CUL4A: variants seen among roughly 807,000 people sequenced by gnomAD.
CUL4A encodes cullin-4A.
Under a neutral mutation model 95.5 loss-of-function variants are expected in CUL4A, and 16 were observed. The observed-to-expected ratio is 0.17, with a 90% confidence interval of 0.11 to 0.25. The LOEUF is 0.25. Ranked by LOEUF, CUL4A falls within the 10% of genes least tolerant of loss-of-function variation. The pLI is 1.00. For synonymous variants in CUL4A, 380 were observed against 353.1 expected (o/e 1.08, Z -0.85); for missense variants, 610 against 937.0 (o/e 0.65, Z 4.56).
chr13:113,262,284 T>G (rs528096131), intron 19 of CUL4A, among the ~76,000 whole-genome samples: 1 of 152,338 alleles, frequency 6.6e-6, no homozygotes, highest in East Asian at 1.9e-4. Context: ...TCACCTACTC[T>G]TAGTGCAGGA....
chr13:113,227,285 G>C (rs560951363), intron 3 of CUL4A, among the ~76,000 whole-genome samples: 1 of 152,302 alleles, frequency 6.6e-6, no homozygotes, highest in South Asian at 2.1e-4. Context: ...GGAGGTCCAG[G>C]GTCAAGGCAC....
chr13:113,245,204 G>A lies in CUL4A; in HGVS notation c.1497G>A (p.Glu499=). ...SKLEGMFKDM[E]LSKDIMVHFK... is the part of the protein sequence containing the mutation. ...TGGAAGGCATGTTCAAGGACATGGA[G>A]CTTTCGAAGGACATCATGGTTCATT... is the stretch of plus-strand genomic sequence containing the variant. The change falls in exon 14 of 20, where the codon GAG becomes GAA. Residue 499 remains glutamate (E), a synonymous_variant. Transcript: ENST00000375440. The A allele has an allele frequency of 6.2e-7, 1 of 1,614,194 alleles. No homozygotes were observed.
At chr13:113,258,411 C>T (rs1368661243) in intron 18 of CUL4A, among the ~76,000 whole-genome samples, 1 of 152,174 alleles carries the variant, frequency 6.6e-6, no homozygotes, top group Non-Finnish European at 1.5e-5. Flanking sequence ...ATCCATATTG[C>T]ATTAATTTAC....
At chr13:113,259,923 C>T (rs374417730) in intron 18 of CUL4A, among the ~76,000 whole-genome samples, 1 of 151,766 alleles carries the variant, frequency 6.6e-6, no homozygotes, top group African/African-American at 2.4e-5. Context: ...AGAACATTTC[C>T]GGCCAGGCAC....
At chr13:113,228,581 A>G (rs2041192708) in intron 4 of CUL4A, among the ~76,000 whole-genome samples, 1 of 152,064 alleles carries the variant, frequency 6.6e-6, no homozygotes, top group Non-Finnish European at 1.5e-5. Context: ...GGCAGCTGCT[A>G]GAGCTCGCTG....
At chr13:113,259,043 G>C (rs1449404704) in intron 18 of CUL4A, among the ~76,000 whole-genome samples, 1 of 152,210 alleles carries the variant, frequency 6.6e-6, no homozygotes, top group Non-Finnish European at 1.5e-5. Context: ...TTATCAGAAT[G>C]TATGTATTAA....
chr13:113,260,238 G>A lies in CUL4A; in HGVS notation c.2032-369G>A, dbSNP rs536141622. Among the ~76,000 whole-genome samples, 84 of 76,240 alleles carry A rather than the reference G, an allele frequency of 1.1e-3. 2 individuals carry two copies. The highest frequency in any genetic ancestry group is 3.3e-3 in the South Asian group (7 of 2,118). The allele number at this position is 76,240 out of a possible 152,430, so 50.0% of individuals were successfully genotyped here. A position where few individuals can be genotyped will look rare whatever the true frequency, so the allele number is the denominator to read the frequency against. On this transcript the variant is annotated intron_variant, in intron 18 of 19. Transcript: ENST00000375440. ...AAAAAAACCATTTCCCATCAAATTC[G>A]GTAACATCAGGTCATTAATATTGAA...
chr13:113,210,741 A>G (rs2040391532), intron 2 of CUL4A, among the ~76,000 whole-genome samples: 1 of 152,302 alleles, frequency 6.6e-6, no homozygotes, highest in East Asian at 1.9e-4. Context: ...TAATATCTAT[A>G]TTTTAGGTCA....
chr13:113,260,202 T>TCAAAAAAAAAAAAAAAAAAAAAAAAAAA (rs2042234778), intron 18 of CUL4A, among the ~76,000 whole-genome samples: 1 of 644 alleles, frequency 1.6e-3, no homozygotes, highest in Non-Finnish European at 3.1e-3. Context: ...AGACTCCGTC[T>TCAAAAAAAAAAAAAAAAAAAAAAAAAAA]CAAAAAAAAA....
At chr13:113,218,842 G>A in intron 2 of CUL4A, 103 bp from the exon 3 acceptor site, 2 of 687,842 alleles carry the variant, frequency 2.9e-6, no homozygotes, top group Non-Finnish European at 5.0e-6. Context: ...GTAGGGTGTG[G>A]GGTGCCTTTT....
chr13:113,239,521 G>T lies in CUL4A; in HGVS notation c.1005G>T (p.Ala335=). 1 of 1,613,288 alleles carries T rather than the reference G, an allele frequency of 6.2e-7. No individual in the cohort carries two copies. The highest frequency in any genetic ancestry group is 1.1e-5 in the South Asian group (1 of 90,868). The change falls in exon 10 of 20, where the codon GCG becomes GCT. Residue 335 remains alanine, a synonymous_variant. Coordinates refer to ENST00000375440, the MANE Select transcript of CUL4A (RefSeq NM_001008895.4). The part of the protein sequence containing the change: ...LFSRVRGGQQ[A]LLQHWSEYIK... ...GCCGGGTGAGGGGCGGGCAGCAGGC[G>T]CTGCTGCAGCACTGGAGCGAGTACA...
At position 113,209,722 on chromosome 13, in the gene CUL4A, C is replaced by T; in HGVS notation, c.95C>T (p.Ala32Val). Residue 32 changes from alanine (A) to valine (V), a missense_variant, in exon 1 of 20, where the codon GCC becomes GTC. Physicochemically the swap from Ala to Val is moderately conservative, Grantham distance 64. Transcript: ENST00000375440. ...TKPAALAAAPAKPGGAGGSKK... is the reference protein window; with the variant it reads ...TKPAALAAAPVKPGGAGGSKK... ...CCCGCGGCCCTGGCCGCCGCGCCCG[C>T]CAAGCCGGGGGGCGCGGGCGGCTCC... 5 of 1,162,606 alleles carry T rather than the reference C, an allele frequency of 4.3e-6. No individual in the cohort carries two copies. Among genetic ancestry groups the T allele is most frequent in the Non-Finnish European group, 3.2e-6 (3 of 943,926 alleles). The allele number at this position is 1,162,606 out of a possible 1,614,324, so 72.0% of individuals were successfully genotyped here.
intron 3 of CUL4A, among the ~76,000 whole-genome samples, chr13:113,226,127 C>T (rs1384352852): frequency 6.6e-6 from 1 of 152,024 alleles, no homozygotes; most frequent in Non-Finnish European, 1.5e-5. Context: ...CTCCCTGGCA[C>T]TCTTTCTTTG....
chr13:113,260,189 G>A (rs1219251787), intron 18 of CUL4A, among the ~76,000 whole-genome samples: 1 of 6,310 alleles, frequency 1.6e-4, no homozygotes, highest in East Asian at 9.3e-3. Context: ...GGGTGACAGA[G>A]TGAGACTCCG....
chr13:113,234,904 G>A lies in CUL4A; in HGVS notation c.766-159G>A, dbSNP rs547511670. On this transcript the variant is annotated intron_variant, in intron 7 of 19. Transcript: ENST00000375440. ...CTCCATGTCCCCCACACACATTTCC[G>A]TCCTACCTCTCCCTCCCTGTTAATC... is the stretch of plus-strand genomic sequence containing the variant. Among the ~76,000 whole-genome samples the A allele has an allele frequency of 7.6e-4, 115 of 152,126 alleles. 1 individual carries two copies. Among genetic ancestry groups the A allele is most frequent in the African/African-American group, 2.4e-3 (101 of 41,404 alleles).
At chr13:113,209,282 A>C (rs935466308), upstream of CUL4A, among the ~76,000 whole-genome samples, 1 of 143,288 alleles carries the variant, frequency 7.0e-6, no homozygotes, top group Non-Finnish European at 1.5e-5. Flanking sequence ...TCCCCGAGCC[A>C]GGAGGGGGTG....
At chr13:113,261,382 C>G (rs2042271225) in intron 19 of CUL4A, among the ~76,000 whole-genome samples, 1 of 152,202 alleles carries the variant, frequency 6.6e-6, no homozygotes, top group African/African-American at 2.4e-5. Context: ...GGGAAAGTCC[C>G]CAGATTCCAT....
rs755386540 is a variant in CUL4A at position 113,209,974 on chromosome 13, C to T, written c.150C>T (p.Asp50=). ...GCCCGCTCTCCCTCCGCCCTGCAGACAGACCTCGGCTGCCCGACAACTACA... is the reference window on the plus strand; with the variant it reads ...GCCCGCTCTCCCTCCGCCCTGCAGATAGACCTCGGCTGCCCGACAACTACA... ...SKKLVIKNFR[D]RPRLPDNYTQ... The change falls in exon 2 of 20, where the codon GAC becomes GAT. Residue 50 remains aspartate (D), a splice_region_variant and synonymous_variant. Coordinates refer to ENST00000375440, the MANE Select transcript of CUL4A (RefSeq NM_001008895.4). 2.7e-6 allele frequency: 4 copies of T among 1,506,414 alleles called. No individual in the cohort carries two copies. The highest frequency in any genetic ancestry group is 2.9e-5 in the East Asian group (1 of 34,984). The allele number at this position is 1,506,414 out of a possible 1,614,324, so 93.3% of individuals were successfully genotyped here.
chr13:113,228,026 A>C lies in CUL4A; in HGVS notation c.419A>C (p.Gln140Pro). ...TTAAAGAAGATTAACACGTGCTGGC[A>C]GGACCACTGCAGACAAATGGTAAGC... ...LFLKKINTCW[Q>P]DHCRQMIMIR... The change falls in exon 4 of 20, where the codon CAG (glutamine) becomes CCG (proline). Residue 140 changes from glutamine (Q) to proline (P), a missense_variant. By Grantham distance (76) the Gln-to-Pro change is moderately conservative. Coordinates refer to ENST00000375440, the MANE Select transcript of CUL4A (RefSeq NM_001008895.4). 1 of 1,613,414 alleles carries C rather than the reference A, an allele frequency of 6.2e-7. No homozygotes were observed. Among genetic ancestry groups the C allele is most frequent in the Non-Finnish European group, 8.5e-7 (1 of 1,179,308 alleles).
Sources: gnomAD v4.1 joint callset for allele counts (sites outside exome capture counted in the v4.1 genomes callset) on GRCh38, gnomAD v4.1.1 for gene constraint, MANE v1.5 for transcripts, NCBI Gene and HGNC (gene_info 2026-07-23, HGNC 2026-07-21) for gene names.